Variants in CACNB4 observed in about 807,000 individuals in gnomAD.
CACNB4 encodes calcium voltage-gated channel auxiliary subunit beta 4.
Under a neutral mutation model 71.2 loss-of-function variants are expected in CACNB4, and 32 were observed. The ratio of observed to expected loss-of-function variants is 0.45; its 90% CI spans 0.34 to 0.60. The LOEUF is 0.60. Among genes scored for constraint, CACNB4 ranks in the 20% least tolerant of loss-of-function variants. The pLI, the probability that CACNB4 is intolerant of heterozygous loss-of-function variation, is 0.01. For missense variants in CACNB4, 464 were observed against 647.9 expected, an observed-to-expected ratio of 0.72 and a Z score of 3.08; for synonymous variants, 231 against 236.9, an observed-to-expected ratio of 0.97 and a Z score of 0.23.
At chr2:151,851,014 C>T (rs2099838947) in intron 12 of CACNB4, 1 of 152,130 alleles carries the variant, frequency 6.6e-6, no homozygotes, top group African/African-American at 2.4e-5. Flanking sequence ...AAAACTGTTG[C>T]CTTTCATTTC....
intron 9 of CACNB4, chr2:151,861,091 C>T: frequency 2.3e-6 from 1 of 429,308 alleles, no homozygotes; most frequent in Non-Finnish European, 4.2e-6. Flanking sequence ...TGCTGAATTC[C>T]CTTTATAATA....
At chr2:151,918,175 C>T (rs1352643906) in intron 2 of CACNB4, among the ~76,000 whole-genome samples, 2 of 152,182 alleles carry the variant, frequency 1.3e-5, no homozygotes, top group South Asian at 4.1e-4. Flanking sequence ...CCCATGCTTT[C>T]AAGTTGCCAC....
chr2:152,064,555 A>AC (rs1686194715), intron 2 of CACNB4, among the ~76,000 whole-genome samples: 1 of 151,764 alleles, frequency 6.6e-6, no homozygotes, highest in African/African-American at 2.4e-5. Flanking sequence ...TAATTTTTGT[A>AC]TTTTTTTAGT....
In CACNB4 at chr2:151,837,125, G is replaced by T. The variant is rs1163658370; in HGVS notation, c.*1994C>A. The T allele has an allele frequency of 6.6e-6, 1 of 151,834 alleles. No individual in the cohort carries two copies. The highest frequency in any genetic ancestry group is 1.9e-4 in the East Asian group (1 of 5,200). The allele number at this position is 151,834 out of a possible 1,614,324, so 9.4% of individuals were successfully genotyped here. On this transcript the variant is annotated 3_prime_UTR_variant, in exon 14 of 14. Coordinates refer to ENST00000539935, the MANE Select transcript of CACNB4 (RefSeq NM_000726.5). The stretch of plus-strand genomic sequence containing the variant: ...TTATATGTTTATTAAAGTGCCTAAT[G>T]GATATAACTCTTTTAAAATGTCTTA...
At chr2:152,080,106 A>G (rs980433678) in intron 2 of CACNB4, among the ~76,000 whole-genome samples, 2 of 152,032 alleles carry the variant, frequency 1.3e-5, no homozygotes, top group Non-Finnish European at 2.9e-5. Flanking sequence ...AGGTTTAATT[A>G]TTCAGGGTTT....
At chr2:152,071,273 A>G (rs1452381174) in intron 2 of CACNB4, among the ~76,000 whole-genome samples, 1 of 152,244 alleles carries the variant, frequency 6.6e-6, no homozygotes, top group Non-Finnish European at 1.5e-5. Flanking sequence ...GGAGACTGTA[A>G]GCCGGTCAGC....
chr2:151,960,525 C>T (rs901915234), intron 2 of CACNB4, among the ~76,000 whole-genome samples: 1 of 152,160 alleles, frequency 6.6e-6, no homozygotes, highest in African/African-American at 2.4e-5. Context: ...ACCACCATTG[C>T]GATCGGTCCC....
intron 2 of CACNB4, chr2:151,968,354 A>G (rs2099871676): frequency 6.6e-6 from 1 of 152,220 alleles, no homozygotes; most frequent in African/African-American, 2.4e-5. Flanking sequence ...CACAGAGCCT[A>G]TATCTGTAGC....
chr2:152,007,319 C>A (rs116062146), intron 2 of CACNB4, among the ~76,000 whole-genome samples: 199 of 152,276 alleles, frequency 1.3e-3, no homozygotes, highest in African/African-American at 4.5e-3. Flanking sequence ...ACTTTTCCAT[C>A]TTCCATTTCA....
At chr2:151,951,019 C>T (rs1236974766) in intron 2 of CACNB4, among the ~76,000 whole-genome samples, 4 of 152,126 alleles carry the variant, frequency 2.6e-5, no homozygotes, top group Admixed American at 6.5e-5. Flanking sequence ...ATTTCACCTC[C>T]CTGCAGCCTC....
chr2:152,076,599 T>C (rs1425898935), intron 2 of CACNB4, among the ~76,000 whole-genome samples: 1 of 152,166 alleles, frequency 6.6e-6, no homozygotes, highest in Non-Finnish European at 1.5e-5. Flanking sequence ...CCTTGAATCA[T>C]CTCTAAGCCT....
chr2:151,968,207 C>T (rs528001106), intron 2 of CACNB4: 2 of 151,596 alleles, frequency 1.3e-5, no homozygotes, highest in Admixed American at 1.3e-4. Context: ...GCCCCAGCCT[C>T]CTGTGAGAAC....
chr2:151,867,345 A>G (rs988922184), intron 9 of CACNB4: 1 of 152,248 alleles, frequency 6.6e-6, no homozygotes, highest in Non-Finnish European at 1.5e-5. Context: ...GACCAGCCCT[A>G]TTAAGTTACA....
At chr2:151,898,558 C>A (rs144197408) in intron 2 of CACNB4, among the ~76,000 whole-genome samples, 1 of 152,182 alleles carries the variant, frequency 6.6e-6, no homozygotes, top group Non-Finnish European at 1.5e-5. Flanking sequence ...CCAAAGGATG[C>A]CCTTTTGTTG....
chr2:151,883,729 A>C (rs1219485638), intron 2 of CACNB4: 1 of 313,400 alleles, frequency 3.2e-6, no homozygotes, highest in Non-Finnish European at 6.1e-6. Flanking sequence ...TCTAAAGGAA[A>C]AAGAGACTCA....
intron 12 of CACNB4, among the ~76,000 whole-genome samples, chr2:151,849,476 T>A (rs532946072): frequency 6.6e-6 from 1 of 152,290 alleles, no homozygotes; most frequent in Non-Finnish European, 1.5e-5. Context: ...AGTGGCACAA[T>A]CACAGCTCAG....
chr2:152,058,593 A>G (rs2105323284), intron 2 of CACNB4, among the ~76,000 whole-genome samples: 1 of 152,300 alleles, frequency 6.6e-6, no homozygotes, highest in South Asian at 2.1e-4. Flanking sequence ...TTTGAACTTG[A>G]GAGAGATAAT....
chr2:151,955,800 G>T (rs1442184613), intron 2 of CACNB4, among the ~76,000 whole-genome samples: 1 of 152,116 alleles, frequency 6.6e-6, no homozygotes, highest in African/African-American at 2.4e-5. Flanking sequence ...TACCCAGGAA[G>T]CTAAGGTGGG....
intron 2 of CACNB4, among the ~76,000 whole-genome samples, chr2:152,010,355 T>G (rs1324490245): frequency 6.6e-6 from 1 of 152,222 alleles, no homozygotes; most frequent in Non-Finnish European, 1.5e-5. Flanking sequence ...ACTGGCAGGA[T>G]AGAAGAGACG....
Sources: allele counts gnomAD v4.1 joint callset (sites outside exome capture counted in the v4.1 genomes callset), GRCh38; gene constraint gnomAD v4.1.1; transcripts MANE v1.5; gene names NCBI Gene and HGNC (gene_info 2026-07-23, HGNC 2026-07-21).